TRPM3: variants seen among roughly 807,000 people sequenced by gnomAD.
TRPM3 encodes the protein transient receptor potential cation channel subfamily M member 3.
Under a neutral mutation model 181.2 loss-of-function variants are expected in TRPM3, and 77 were observed. The observed-to-expected ratio is 0.42, with a 90% CI of 0.35 to 0.51. The LOEUF (loss-of-function observed/expected upper bound fraction) is 0.51. Ranked by LOEUF, TRPM3 falls within the 20% of genes least tolerant of loss-of-function variation. The pLI is 0.01. For synonymous variants in TRPM3, 745 were observed against 796.4 expected (o/e 0.94, Z 1.09); for missense variants, 1,759 against 2,196.7 (o/e 0.80, Z 3.98).
At chr9:71,150,306 C>A (rs966965044) in intron 1 of TRPM3, among the ~76,000 whole-genome samples, 4 of 152,000 alleles carry the variant, frequency 2.6e-5, no homozygotes, top group African/African-American at 9.7e-5. Context: ...CTTGCAAATA[C>A]ATTTGAAAAT....
intron 1 of TRPM3, among the ~76,000 whole-genome samples, chr9:71,061,755 C>G (rs1431302997): frequency 6.6e-6 from 1 of 152,074 alleles, no homozygotes; most frequent in Non-Finnish European, 1.5e-5. Flanking sequence ...CTCTTGGAAG[C>G]TTGTGCTTAG....
chr9:70,937,994 T>C (rs545215389), intron 1 of TRPM3, among the ~76,000 whole-genome samples: 47 of 152,354 alleles, frequency 3.1e-4, no homozygotes, highest in African/African-American at 1.1e-3. Context: ...TGGTCTCCTA[T>C]TACAGTTCCT....
chr9:71,032,033 A>G (rs7021307), intron 1 of TRPM3, among the ~76,000 whole-genome samples: 4 of 1,002 alleles, frequency 4.0e-3, no homozygotes, highest in African/African-American at 0.01. Flanking sequence ...ATATAATATA[A>G]ATATATATAT....
At chr9:71,054,865 T>C (rs2133232723) in intron 1 of TRPM3, among the ~76,000 whole-genome samples, 1 of 152,234 alleles carries the variant, frequency 6.6e-6, no homozygotes, top group Admixed American at 6.5e-5. Flanking sequence ...TCAGTCCCCA[T>C]TTCCATTCTA....
chr9:71,091,499 A>C (rs1357862130), intron 1 of TRPM3, among the ~76,000 whole-genome samples: 5 of 152,080 alleles, frequency 3.3e-5, no homozygotes, highest in African/African-American at 1.2e-4. Context: ...AGAACCTTTG[A>C]AATACAATGA....
At chr9:71,122,969 A>G (rs1309401180), upstream of TRPM3, among the ~76,000 whole-genome samples, 14 of 152,242 alleles carry the variant, frequency 9.2e-5, no homozygotes, top group Non-Finnish European at 1.5e-5. Flanking sequence ...TGTATCACCT[A>G]GCACAATGCA....
chr9:71,361,194 C>T (rs2092129532), intron 1 of TRPM3, among the ~76,000 whole-genome samples: 2 of 152,066 alleles, frequency 1.3e-5, no homozygotes, highest in Admixed American at 1.3e-4. Flanking sequence ...ACCATGTTGG[C>T]CAGGCTGGTC....
At chr9:71,303,839 A>G (rs986680779) in intron 1 of TRPM3, among the ~76,000 whole-genome samples, 1 of 152,164 alleles carries the variant, frequency 6.6e-6, no homozygotes, top group Non-Finnish European at 1.5e-5. Context: ...AAATAAAACT[A>G]TGCTTTATGT....
chr9:71,013,156 A>G (rs1422366353), intron 1 of TRPM3, among the ~76,000 whole-genome samples: 1 of 152,112 alleles, frequency 6.6e-6, no homozygotes, highest in Non-Finnish European at 1.5e-5. Flanking sequence ...TTGGTTTTAA[A>G]TCAGGAACGG....
intron 1 of TRPM3, among the ~76,000 whole-genome samples, chr9:70,873,418 A>G (rs1286976511): frequency 1.3e-5 from 2 of 152,116 alleles, no homozygotes; most frequent in East Asian, 3.9e-4. Flanking sequence ...CTCAGCATCT[A>G]AAGTCTGGCT....
At chr9:71,366,937 C>G (rs555776712) in intron 1 of TRPM3, among the ~76,000 whole-genome samples, 5 of 152,034 alleles carry the variant, frequency 3.3e-5, no homozygotes, top group African/African-American at 9.7e-5. Context: ...TTTTATAGAG[C>G]AAATGAGTAT....
intron 6 of TRPM3, chr9:70,825,443 G>C (rs973076912): frequency 1.3e-5 from 2 of 152,168 alleles, no homozygotes; most frequent in Non-Finnish European, 2.9e-5. Flanking sequence ...ACCTGGATCC[G>C]TGCCTCTCCC....
intron 1 of TRPM3, among the ~76,000 whole-genome samples, chr9:71,425,081 TATC>T (rs1173723382): frequency 6.6e-6 from 1 of 150,928 alleles, no homozygotes; most frequent in Non-Finnish European, 1.5e-5. Context: ...GCCTCTGTAA[TATC>T]ATTACCTACA....
chr9:70,701,257 T>C (rs942736266), intron 8 of TRPM3, among the ~76,000 whole-genome samples: 1 of 152,226 alleles, frequency 6.6e-6, no homozygotes, highest in Non-Finnish European at 1.5e-5. Flanking sequence ...GACTTAGCGA[T>C]GTTCTCATTG....
Position 71,076,971 on chromosome 9 carries a change from A to G in TRPM3, c.177+44207T>C, listed in dbSNP as rs2063549527. 2.6e-5 allele frequency among the ~76,000 whole-genome samples: 4 copies of G among 152,176 alleles called. 1 individual carries two copies. The South Asian group carries it at 8.3e-4, about 32-fold the overall frequency. On this transcript the variant is annotated intron_variant, in intron 1 of 25. Coordinates refer to ENST00000677713, the MANE Select transcript of TRPM3 (RefSeq NM_001366145.2). The stretch of plus-strand genomic sequence containing the variant: ...AAAAACAGGAGAATCAATTTCCCTG[A>G]GATTCAAACACACATTTTCTACACT...
At chr9:71,256,537 A>G (rs2082686320) in intron 1 of TRPM3, among the ~76,000 whole-genome samples, 1 of 152,116 alleles carries the variant, frequency 6.6e-6, no homozygotes, top group Admixed American at 6.5e-5. Context: ...AAAAAAAAAG[A>G]TTCCTTGGGT....
At chr9:70,873,756 AT>A (rs2095829127) in intron 1 of TRPM3, among the ~76,000 whole-genome samples, 1 of 151,964 alleles carries the variant, frequency 6.6e-6, no homozygotes, top group African/African-American at 2.4e-5. Context: ...GTCACACGAT[AT>A]AATACTTATT....
At chr9:71,433,883 C>T (rs986790612) in intron 1 of TRPM3, among the ~76,000 whole-genome samples, 5 of 152,132 alleles carry the variant, frequency 3.3e-5, no homozygotes, top group Non-Finnish European at 7.4e-5. Flanking sequence ...AGGCTGGGCA[C>T]GGTGACTCAC....
intron 1 of TRPM3, among the ~76,000 whole-genome samples, chr9:71,359,419 A>C (rs1037865627): frequency 4.6e-5 from 7 of 152,202 alleles, no homozygotes; most frequent in Non-Finnish European, 1.0e-4. Flanking sequence ...GAATATTTAA[A>C]ATGTGCCTAT....
Sources: allele counts gnomAD v4.1 joint callset (sites outside exome capture counted in the v4.1 genomes callset), GRCh38; gene constraint gnomAD v4.1.1; transcripts MANE v1.5; gene names NCBI Gene and HGNC (gene_info 2026-07-23, HGNC 2026-07-21).